Variants in CEACAM7 observed in about 807,000 individuals in gnomAD.
CEACAM7 encodes the protein cell adhesion molecule CEACAM7.
Under a neutral mutation model 25.7 loss-of-function variants are expected in CEACAM7, and 24 were observed. That is an observed-to-expected ratio of 0.93 (90% confidence interval 0.68 to 1.31). The LOEUF (loss-of-function observed/expected upper bound fraction) is 1.31. Among genes scored for constraint, CEACAM7 ranks in the 40% most tolerant of loss-of-function variants. The pLI, the probability that CEACAM7 is intolerant of heterozygous loss-of-function variation, is 0.00. For synonymous variants in CEACAM7, 144 were observed against 129.4 expected (o/e 1.11, Z -0.77); for missense variants, 324 against 330.1 (o/e 0.98, Z 0.14).
At chr19:41,687,478 G>T (rs1399512287) in intron 1 of CEACAM7, among the ~76,000 whole-genome samples, 1 of 152,202 alleles carries the variant, frequency 6.6e-6, no homozygotes, top group African/African-American at 2.4e-5. Flanking sequence ...GCTTACATCA[G>T]GGCATCCTTG....
rs1555811443 is a variant in CEACAM7 at position 41,688,192 on chromosome 19, T to G, written c.-27A>C. 6.2e-7 allele frequency: 1 copy of G among 1,604,870 alleles called. No homozygotes were observed. The highest frequency in any genetic ancestry group is 1.1e-5 in the South Asian group (1 of 90,224). On this transcript the variant is annotated 5_prime_UTR_variant, in exon 1 of 5. Transcript: ENST00000401731. ...GTCTCTGCTGCCTGCTTGTCCTCTG[T>G]GGAGAAGAGCTTGGGCTCCAGGAAC...
chr19:41,684,152 C>A, intron 2 of CEACAM7, 89 bp from the exon 3 acceptor site: 1 of 1,425,276 alleles, frequency 7.0e-7, no homozygotes, highest in Non-Finnish European at 9.7e-7. Context: ...CATCTCCCAC[C>A]TCTAAGCCCA....
At chr19:41,683,730 G>T in intron 3 of CEACAM7, 55 bp downstream of exon 3, 3 of 1,600,692 alleles carry the variant, frequency 1.9e-6, no homozygotes, top group Non-Finnish European at 2.6e-6. Flanking sequence ...CCTGGTCTCT[G>T]GCTGCATGGA....
At chr19:41,678,266 G>A (rs2072136414) in intron 3 of CEACAM7, among the ~76,000 whole-genome samples, 1 of 151,678 alleles carries the variant, frequency 6.6e-6, no homozygotes, top group African/African-American at 2.4e-5. Flanking sequence ...ATATTAATCA[G>A]TAACCATGTC....
chr19:41,685,575 C>A (rs1282461571), intron 2 of CEACAM7, among the ~76,000 whole-genome samples: 1 of 152,160 alleles, frequency 6.6e-6, no homozygotes, highest in African/African-American at 2.4e-5. Flanking sequence ...CATGAGAGAA[C>A]TACTGAGCGA....
At chr19:41,675,882 ATATAACT>A (rs2072108912) in intron 4 of CEACAM7, among the ~76,000 whole-genome samples, 1 of 152,230 alleles carries the variant, frequency 6.6e-6, no homozygotes, top group Admixed American at 6.5e-5. Flanking sequence ...ATACCCGCAA[ATATAACT>A]TAGAGAAGGT....
At chr19:41,686,797 A>G in intron 2 of CEACAM7, 62 bp downstream of exon 2, 1 of 1,497,844 alleles carries the variant, frequency 6.7e-7, no homozygotes, top group South Asian at 1.4e-5. Flanking sequence ...AGGCCTGACA[A>G]CCCCGTGTGT....
At chr19:41,683,737 T>G (rs1555810888) in intron 3 of CEACAM7, 48 bp downstream of exon 3, 1 of 1,605,684 alleles carries the variant, frequency 6.2e-7, no homozygotes, top group Admixed American at 1.7e-5. Flanking sequence ...TCTGGCTGCA[T>G]GGATTTGGGC....
intron 4 of CEACAM7, 157 bp from the exon 5 acceptor site, chr19:41,674,896 G>C (rs2072099080): frequency 6.6e-6 from 1 of 152,366 alleles, no homozygotes; most frequent in South Asian, 2.1e-4. Flanking sequence ...AAAATAGGTA[G>C]AGTCTCATCA....
chr19:41,681,420 C>A (rs2122723784), intron 3 of CEACAM7, among the ~76,000 whole-genome samples: 1 of 152,274 alleles, frequency 6.6e-6, no homozygotes. Context: ...AGCAATTCCA[C>A]TTCTGGTCAT....
intron 1 of CEACAM7, among the ~76,000 whole-genome samples, chr19:41,687,560 C>T (rs1338366281): frequency 2.0e-5 from 3 of 152,324 alleles, no homozygotes; most frequent in African/African-American, 2.4e-5. Flanking sequence ...TGCTCTGTTC[C>T]CTTTAGAGCT....
At chr19:41,679,803 T>TA (rs2072154443) in intron 3 of CEACAM7, among the ~76,000 whole-genome samples, 1 of 48,042 alleles carries the variant, frequency 2.1e-5, no homozygotes, top group Non-Finnish European at 6.4e-5. Flanking sequence ...CTCTCTCTCT[T>TA]TTTTTTTTTT....
Position 41,677,509 on chromosome 19 carries a change from A to T in CEACAM7, c.707-6T>A. ...ACTTGCTTGTACTGACTCATCTGCC[A>T]TGGAAAGAAAAGAGAAGGAATGAAG... On this transcript the variant is annotated splice_region_variant and splice_polypyrimidine_tract_variant and intron_variant, in intron 3 of 4. Coordinates refer to ENST00000401731, the MANE Select transcript of CEACAM7 (RefSeq NM_001291485.2). 7 of 1,607,562 alleles carry T rather than the reference A, an allele frequency of 4.4e-6. No homozygotes were observed. Among genetic ancestry groups the T allele is most frequent in the Non-Finnish European group, 6.0e-6 (7 of 1,174,494 alleles).
chr19:41,682,247 T>C (rs1399108085), intron 3 of CEACAM7, among the ~76,000 whole-genome samples: 1 of 152,010 alleles, frequency 6.6e-6, no homozygotes, highest in Admixed American at 6.5e-5. Context: ...CCCTAAACCG[T>C]ATATGTAAAA....
chr19:41,685,546 A>C (rs1001062), intron 2 of CEACAM7, among the ~76,000 whole-genome samples: 36,585 of 152,020 alleles, frequency 0.24, 4,992 homozygotes, highest in South Asian at 0.37. Context: ...TCATTCCTTC[A>C]TTCATTCCCT....
In CEACAM7 at chr19:41,688,115, C is replaced by T. The variant is rs145702844; in HGVS notation, c.51G>A (p.Gly17=). 4.3e-6 allele frequency: 7 copies of T among 1,611,116 alleles called. No homozygotes were observed. In the African/African-American group the frequency reaches 5.3e-5, roughly 12 times the overall value. The part of the protein sequence containing the change: ...CPYRVCIPWQ[G]LLLTASLLTF... ...TCCTCCCCTCACCTGTGAGCAGGAGCCCCTGCCAGGGAATGCACACTCTGT... is the reference window on the plus strand; with the variant it reads ...TCCTCCCCTCACCTGTGAGCAGGAGTCCCTGCCAGGGAATGCACACTCTGT... Residue 17 remains glycine (G), a synonymous_variant, in exon 1 of 5, where the codon GGG becomes GGA. Transcript: ENST00000401731.
At chr19:41,685,479 C>A (rs2072217590) in intron 2 of CEACAM7, among the ~76,000 whole-genome samples, 1 of 152,068 alleles carries the variant, frequency 6.6e-6, no homozygotes. Context: ...GGAACAGGTG[C>A]CAGAGCCTCC....
chr19:41,675,509 A>G (rs1600425901), intron 4 of CEACAM7, among the ~76,000 whole-genome samples: 1 of 152,338 alleles, frequency 6.6e-6, no homozygotes, highest in African/African-American at 2.4e-5. Context: ...TCATGAAGAT[A>G]TCTCTTCATT....
At chr19:41,683,698 G>T in intron 3 of CEACAM7, 87 bp downstream of exon 3, 1 of 1,547,330 alleles carries the variant, frequency 6.5e-7, no homozygotes, top group Non-Finnish European at 8.8e-7. Flanking sequence ...CTGTGTACTT[G>T]GACCTGAGAG....
Sources: allele counts gnomAD v4.1 joint callset (sites outside exome capture counted in the v4.1 genomes callset), GRCh38; gene constraint gnomAD v4.1.1; transcripts MANE v1.5; gene names NCBI Gene and HGNC (gene_info 2026-07-23, HGNC 2026-07-21).